The following RALGAPA1 variants were observed in gnomAD, a reference collection of about 807,000 sequenced individuals.
The protein encoded by RALGAPA1 is Ral GTPase activating protein catalytic subunit alpha 1.
A neutral mutation model predicts 269.6 loss-of-function variants in RALGAPA1; 52 were observed. That is an observed-to-expected ratio of 0.19 (90% confidence interval 0.15 to 0.24). The LOEUF is 0.24. RALGAPA1 is among the 10% of genes least tolerant of loss of function. The pLI is 1.00. For synonymous variants in RALGAPA1, 817 were observed against 1,008.3 expected, an observed-to-expected ratio of 0.81 and a Z score of 3.60; for missense variants, 1,917 against 3,013.9, an observed-to-expected ratio of 0.64 and a Z score of 8.52.
intron 1 of RALGAPA1, among the ~76,000 whole-genome samples, chr14:35,790,878 G>C (rs2076117805): frequency 1.3e-5 from 2 of 152,166 alleles, no homozygotes; most frequent in Admixed American, 6.5e-5. Context: ...AAATGGAATA[G>C]TAGCGTAGTT....
intron 4 of RALGAPA1, among the ~76,000 whole-genome samples, chr14:35,768,015 T>A (rs910931414): frequency 3.9e-5 from 6 of 152,168 alleles, no homozygotes; most frequent in African/African-American, 1.4e-4. Context: ...GCTCAAGCGA[T>A]CCACCTGCCT....
chr14:35,801,251 A>G (rs1024486219), intron 1 of RALGAPA1, among the ~76,000 whole-genome samples: 1 of 118,784 alleles, frequency 8.4e-6, no homozygotes, highest in Non-Finnish European at 1.6e-5. Flanking sequence ...ACAGACACAC[A>G]CACACACACA....
At chr14:35,766,764 T>A in intron 4 of RALGAPA1, 1 of 521,432 alleles carries the variant, frequency 1.9e-6, no homozygotes, top group South Asian at 1.5e-5. Context: ...TGTGAATGCT[T>A]TTAACTCTGG....
At chr14:35,701,542 C>T (rs1642046534) in intron 16 of RALGAPA1, among the ~76,000 whole-genome samples, 2 of 152,224 alleles carry the variant, frequency 1.3e-5, no homozygotes, top group Admixed American at 1.3e-4. Flanking sequence ...TCTCTTTCAT[C>T]ATCACATCAT....
chr14:35,565,481 C>T (rs1048717286), intron 39 of RALGAPA1, among the ~76,000 whole-genome samples: 11 of 151,990 alleles, frequency 7.2e-5, no homozygotes, highest in Admixed American at 6.6e-5. Context: ...TGGGCCTCAT[C>T]CAATCAGTTA....
At chr14:35,757,640 A>G (rs2073308243) in intron 6 of RALGAPA1, among the ~76,000 whole-genome samples, 1 of 152,248 alleles carries the variant, frequency 6.6e-6, no homozygotes, top group Non-Finnish European at 1.5e-5. Flanking sequence ...CAATCTGTTA[A>G]CACTTACAAA....
chr14:35,661,876 G>C (rs1203705468), intron 27 of RALGAPA1, among the ~76,000 whole-genome samples: 1 of 151,878 alleles, frequency 6.6e-6, no homozygotes, highest in Non-Finnish European at 1.5e-5. Flanking sequence ...GGGAGAGAGA[G>C]AGATTTGTAA....
intron 22 of RALGAPA1, 93 bp downstream of exon 22, chr14:35,677,857 C>T (rs181980796): frequency 5.9e-6 from 7 of 1,179,906 alleles, no homozygotes; most frequent in Admixed American, 2.2e-5. Flanking sequence ...TTACAATAAT[C>T]ATATATAATC....
At chr14:35,691,852 A>G (rs1230182895) in intron 17 of RALGAPA1, among the ~76,000 whole-genome samples, 1 of 152,156 alleles carries the variant, frequency 6.6e-6, no homozygotes, top group Non-Finnish European at 1.5e-5. Flanking sequence ...AGCTGAAACA[A>G]TTAACTTTTT....
intron 16 of RALGAPA1, chr14:35,706,924 TTAAG>T (rs2067860424): frequency 6.6e-6 from 1 of 152,188 alleles, no homozygotes. Context: ...AATCTACAGA[TTAAG>T]TAGGGAAAAA....
intron 39 of RALGAPA1, among the ~76,000 whole-genome samples, chr14:35,563,914 C>T (rs1326399731): frequency 6.6e-6 from 1 of 152,028 alleles, no homozygotes; most frequent in Non-Finnish European, 1.5e-5. Flanking sequence ...CAGGTTCAAG[C>T]AATTCTCCTG....
rs1207444651 is a variant in RALGAPA1 at position 35,693,992 on chromosome 14, G to A, written c.2408-3989C>T. ...TTTCCACTAGATTTAAGTCTCTTGA[G>A]GATTTTTGTTTTGTTCATTGCAATA... is the stretch of plus-strand genomic sequence containing the variant. On this transcript the variant is annotated intron_variant, in intron 17 of 41. Coordinates refer to ENST00000680220, the MANE Select transcript of RALGAPA1 (RefSeq NM_001346249.2). 2.6e-5 allele frequency among the ~76,000 whole-genome samples: 4 copies of A among 151,984 alleles called. No individual in the cohort carries two copies. The East Asian group carries it at 7.7e-4, about 29-fold the overall frequency.
intron 29 of RALGAPA1, among the ~76,000 whole-genome samples, chr14:35,655,133 T>G (rs2063095555): frequency 6.6e-6 from 1 of 152,304 alleles, no homozygotes; most frequent in Non-Finnish European, 1.5e-5. Flanking sequence ...ATTTACAATT[T>G]TTTCCTATTG....
At chr14:35,642,857 C>T (rs1437035760) in intron 31 of RALGAPA1, among the ~76,000 whole-genome samples, 1 of 152,154 alleles carries the variant, frequency 6.6e-6, no homozygotes, top group Non-Finnish European at 1.5e-5. Context: ...GATTATAAGT[C>T]ATGCTGCTAT....
At chr14:35,666,224 C>A (rs2063924254) in intron 26 of RALGAPA1, among the ~76,000 whole-genome samples, 1 of 151,990 alleles carries the variant, frequency 6.6e-6, no homozygotes. Flanking sequence ...CAAGGGTCAT[C>A]TAGCATGTCT....
At chr14:35,701,023 A>T (rs1397737120) in intron 16 of RALGAPA1, among the ~76,000 whole-genome samples, 1 of 152,202 alleles carries the variant, frequency 6.6e-6, no homozygotes. Flanking sequence ...CAAATCATAA[A>T]CATAAAAACT....
chr14:35,596,539 A>T (rs530224314), intron 36 of RALGAPA1, among the ~76,000 whole-genome samples: 3 of 152,242 alleles, frequency 2.0e-5, no homozygotes, highest in Admixed American at 6.5e-5. Context: ...TGAGAATAAC[A>T]GGTAAAATGG....
At chr14:35,550,893 A>T (rs1336327810) in intron 39 of RALGAPA1, among the ~76,000 whole-genome samples, 1 of 152,184 alleles carries the variant, frequency 6.6e-6, no homozygotes, top group Non-Finnish European at 1.5e-5. Flanking sequence ...GATAATACGG[A>T]CATTTTTGAG....
At chr14:35,687,138 T>C (rs1359617007) in intron 18 of RALGAPA1, among the ~76,000 whole-genome samples, 2 of 152,208 alleles carry the variant, frequency 1.3e-5, no homozygotes, top group African/African-American at 2.4e-5. Flanking sequence ...TACTGCTGTT[T>C]CTATCCACTA....
Sources: gnomAD v4.1 joint callset for allele counts (sites outside exome capture counted in the v4.1 genomes callset) on GRCh38, gnomAD v4.1.1 for gene constraint, MANE v1.5 for transcripts, NCBI Gene and HGNC (gene_info 2026-07-23, HGNC 2026-07-21) for gene names.